PLCG2: variants seen among roughly 807,000 people sequenced by gnomAD.
PLCG2 encodes the protein phospholipase C gamma 2.
PLCG2 carries 69 observed loss-of-function variants against 175.6 expected under a neutral mutation model. The ratio of observed to expected loss-of-function variants is 0.39; its 90% confidence interval spans 0.32 to 0.48. PLCG2 has a LOEUF of 0.48. PLCG2 is among the 20% of genes least tolerant of loss of function. The pLI, the probability that PLCG2 is intolerant of heterozygous loss-of-function variation, is 0.91. For synonymous variants in PLCG2, 827 were observed against 624.0 expected (o/e 1.33, Z -4.85); for missense variants, 1,798 against 1,650.9 (o/e 1.09, Z -1.54).
In PLCG2 at chr16:81,891,630, G is replaced by A. The variant is rs750870649; in HGVS notation, c.986+40G>A. On this transcript the variant is annotated intron_variant, in intron 11 of 32. Transcript: ENST00000564138. ...AGCCTGTGATGGGTTGGGCAGCACA[G>A]AGCACGTGAGGGTTGAGGCAGGGGT... The A allele has an allele frequency of 8.6e-6, 10 of 1,162,666 alleles. No individual in the cohort carries two copies. The East Asian group carries it at 2.3e-4, about 27-fold the overall frequency. The allele number at this position is 1,162,666 out of a possible 1,614,324, so 72.0% of individuals were successfully genotyped here.
At chr16:81,775,101 C>G (rs1237443310), upstream of PLCG2, among the ~76,000 whole-genome samples, 1 of 152,176 alleles carries the variant, frequency 6.6e-6, no homozygotes, top group Non-Finnish European at 1.5e-5. Flanking sequence ...CCATGCAACT[C>G]ATGCATGTAA....
chr16:81,882,666 C>G (rs1908143957), intron 8 of PLCG2, among the ~76,000 whole-genome samples: 1 of 152,002 alleles, frequency 6.6e-6, no homozygotes, highest in South Asian at 2.1e-4. Context: ...CCTCCCTTCT[C>G]TTTTTTCCTC....
Position 81,925,845 on chromosome 16 carries a change from C to G in PLCG2, c.2418-1237C>G, listed in dbSNP as rs191435085. 5.9e-4 allele frequency among the ~76,000 whole-genome samples: 89 copies of G among 150,358 alleles called. 1 individual carries two copies. Among genetic ancestry groups the G allele is most frequent in the South Asian group, 4.4e-3 (21 of 4,798 alleles). Reference sequence around the variant, plus strand: ...AAGGTTGCAGTGAGCTGAGATCGTGCCATGCACTCCAGCCTGGGGGACAGA... The same window carrying G: ...AAGGTTGCAGTGAGCTGAGATCGTGGCATGCACTCCAGCCTGGGGGACAGA... On this transcript the variant is annotated intron_variant, in intron 22 of 32. Transcript: ENST00000564138.
intron 30 of PLCG2, 49 bp from the exon 31 acceptor site, chr16:81,946,126 T>C: frequency 6.9e-7 from 1 of 1,440,776 alleles, no homozygotes; most frequent in South Asian, 1.1e-5. Context: ...AAATCTAAGG[T>C]CTGACATTAA....
intron 1 of PLCG2, chr16:81,740,352 A>C (rs1909562922): frequency 6.6e-6 from 1 of 152,108 alleles, no homozygotes; most frequent in Non-Finnish European, 1.5e-5. Context: ...ACTGCATCCC[A>C]GTGCTTCGAC....
intron 8 of PLCG2, 66 bp downstream of exon 8, chr16:81,881,019 G>T (rs1908053808): frequency 2.6e-6 from 4 of 1,511,110 alleles, no homozygotes; most frequent in Non-Finnish European, 3.7e-6. Flanking sequence ...TGCCCAGCCG[G>T]CCTCCAGGAG....
chr16:81,954,197 A>AT (rs567969771), intron 31 of PLCG2, among the ~76,000 whole-genome samples: 209 of 151,674 alleles, frequency 1.4e-3, no homozygotes, highest in African/African-American at 4.8e-3. Context: ...AATTTCTTTC[A>AT]TTTTTTATAG....
intron 19 of PLCG2, 125 bp downstream of exon 19, chr16:81,912,841 A>T (rs1567529890): frequency 8.3e-7 from 1 of 1,198,636 alleles, no homozygotes; most frequent in African/African-American, 1.5e-5. Flanking sequence ...CATCAGCGAC[A>T]ACAACAACCA....
chr16:81,857,950 A>C (rs1235433690), intron 3 of PLCG2: 1 of 334,022 alleles, frequency 3.0e-6, no homozygotes, highest in Non-Finnish European at 5.7e-6. Flanking sequence ...TTAGTGCTCA[A>C]ATGATGTTAA....
chr16:81,926,115 T>C (rs1383436939), intron 22 of PLCG2, among the ~76,000 whole-genome samples: 1 of 152,032 alleles, frequency 6.6e-6, no homozygotes, highest in Non-Finnish European at 1.5e-5. Flanking sequence ...ACCAAGGGCA[T>C]GGGCCAAGGC....
At chr16:81,936,803 G>C (rs1432671523) in intron 27 of PLCG2, among the ~76,000 whole-genome samples, 1 of 152,162 alleles carries the variant, frequency 6.6e-6, no homozygotes, top group Non-Finnish European at 1.5e-5. Context: ...CATAAATCAC[G>C]GGGCTTTGTG....
chr16:81,747,917 C>T (rs1909735407), intron 1 of PLCG2, among the ~76,000 whole-genome samples: 1 of 152,064 alleles, frequency 6.6e-6, no homozygotes, highest in Admixed American at 6.6e-5. Context: ...TGGAATCACC[C>T]AGGCTGGAGT....
intron 10 of PLCG2, among the ~76,000 whole-genome samples, chr16:81,890,610 G>A (rs1338759275): frequency 6.6e-6 from 1 of 152,204 alleles, no homozygotes; most frequent in East Asian, 1.9e-4. Flanking sequence ...GAAGGTGTCT[G>A]GGTGCTTGCT....
At chr16:81,912,493 C>T (rs1486251357) in intron 18 of PLCG2, 104 bp from the exon 19 acceptor site, 2 of 1,373,670 alleles carry the variant, frequency 1.5e-6, no homozygotes, top group African/African-American at 1.4e-5. Context: ...TTTCCAGGGC[C>T]AGGTTCCAGG....
chr16:81,850,171 C>G (rs1328638036), intron 2 of PLCG2, among the ~76,000 whole-genome samples: 1 of 152,104 alleles, frequency 6.6e-6, no homozygotes, highest in Non-Finnish European at 1.5e-5. Flanking sequence ...TTGGAGAAAA[C>G]TGGGGAAATT....
intron 2 of PLCG2, among the ~76,000 whole-genome samples, chr16:81,802,869 A>T (rs539326329): frequency 6.6e-6 from 1 of 152,336 alleles, no homozygotes; most frequent in South Asian, 2.1e-4. Context: ...TGAGATAAAA[A>T]CATTGTATAC....
chr16:81,829,043 C>T (rs529414275), intron 2 of PLCG2, among the ~76,000 whole-genome samples: 2 of 152,212 alleles, frequency 1.3e-5, no homozygotes, highest in South Asian at 4.2e-4. Context: ...CAAGGACTGC[C>T]CCCTCTGCCC....
chr16:81,836,900 C>G (rs1400287610), intron 2 of PLCG2, among the ~76,000 whole-genome samples: 2 of 152,172 alleles, frequency 1.3e-5, no homozygotes, highest in East Asian at 3.9e-4. Context: ...TGTCAGGACC[C>G]CTGCTGTGCA....
chr16:81,872,717 T>C (rs1436354241), intron 7 of PLCG2, among the ~76,000 whole-genome samples: 1 of 152,148 alleles, frequency 6.6e-6, no homozygotes, highest in East Asian at 1.9e-4. Flanking sequence ...GCTTGGGGAG[T>C]ACCTGGAACT....
Sources: allele counts gnomAD v4.1 joint callset (sites outside exome capture counted in the v4.1 genomes callset), GRCh38; gene constraint gnomAD v4.1.1; transcripts MANE v1.5; gene names NCBI Gene and HGNC (gene_info 2026-07-23, HGNC 2026-07-21).